MATR3: variants seen among roughly 807,000 people sequenced by gnomAD.
MATR3 encodes matrin-3.
MATR3 carries 4 observed loss-of-function variants against 85.5 expected under a neutral mutation model. That is an observed-to-expected ratio of 0.05 (90% CI 0.02 to 0.11). The LOEUF is 0.11. Among genes scored for constraint, MATR3 ranks in the 10% least tolerant of loss-of-function variants. The pLI is 1.00. For synonymous variants in MATR3, 336 were observed against 343.1 expected, an observed-to-expected ratio of 0.98 and a Z score of 0.23; for missense variants, 685 against 1,016.1, an observed-to-expected ratio of 0.67 and a Z score of 4.43.
upstream of MATR3, among the ~76,000 whole-genome samples, chr5:139,290,293 G>A (rs535681667): frequency 3.3e-5 from 5 of 151,326 alleles, no homozygotes; most frequent in Admixed American, 6.6e-5. Flanking sequence ...ACAGGCGAGC[G>A]CCACCACACC....
intron 14 of MATR3, among the ~76,000 whole-genome samples, chr5:139,326,925 G>A (rs1464425686): frequency 2.0e-5 from 3 of 152,026 alleles, no homozygotes; most frequent in Non-Finnish European, 4.4e-5. Context: ...TACTAAAAGT[G>A]GCATGACCAT....
chr5:139,286,992 G>A (rs975837401), intron 3 of MATR3, among the ~76,000 whole-genome samples: 4 of 152,120 alleles, frequency 2.6e-5, no homozygotes, highest in African/African-American at 7.2e-5. Context: ...ATTATGTACT[G>A]GCAAGTGCCT....
intron 2 of MATR3, chr5:139,278,522 C>A: frequency 2.7e-6 from 1 of 374,930 alleles, no homozygotes; most frequent in Non-Finnish European, 5.4e-6. Context: ...TTTGTAAGAT[C>A]CATGAAGGAA....
intron 1 of MATR3, among the ~76,000 whole-genome samples, chr5:139,301,990 C>T (rs769588886): frequency 3.9e-5 from 6 of 152,210 alleles, no homozygotes; most frequent in Admixed American, 1.3e-4. Context: ...AAATTGACTT[C>T]ACGTCTGTTA....
At chr5:139,318,844 C>G (rs1755393264) in intron 7 of MATR3, 64 bp from the exon 8 acceptor site, 3 of 1,519,336 alleles carry the variant, frequency 2.0e-6, no homozygotes, top group South Asian at 2.3e-5. Context: ...GAAAAAAAAT[C>G]TTTAGTTCAA....
At chr5:139,316,640 C>A (rs774014599) in intron 5 of MATR3, among the ~76,000 whole-genome samples, 1 of 152,024 alleles carries the variant, frequency 6.6e-6, no homozygotes, top group African/African-American at 2.4e-5. Flanking sequence ...CCCTGCCTCC[C>A]GGGTTAAAGC....
In MATR3 at chr5:139,307,384, A is replaced by C; in HGVS notation, c.-32A>C. 6.3e-7 allele frequency: 1 copy of C among 1,577,776 alleles called. No individual in the cohort carries two copies. Among genetic ancestry groups the C allele is most frequent in the Non-Finnish European group, 8.6e-7 (1 of 1,167,808 alleles). On this transcript the variant is annotated 5_prime_UTR_variant, in exon 2 of 15. Coordinates refer to ENST00000394805, the MANE Select transcript of MATR3 (RefSeq NM_018834.6). This position sits in a 1 kb window ranked among gnomAD's most constrained non-coding sequence, Gnocchi z 4.4. ...CGTCTTTAAAAAAATTTTTTTTTTT[A>C]ATCTATAAAATAGACAAGAGCTAGT...
rs1362094281 is a variant in MATR3 at position 139,331,431 on chromosome 5, T to G, written c.*2036T>G. ...CTTCAACTTTGTTGGATTTAGCAAG[T>G]TGAAGGAAAGAATGCTATGTTTTTA... On this transcript the variant is annotated 3_prime_UTR_variant, in exon 15 of 15. Transcript: ENST00000394805. 3 of 454,144 alleles carry G rather than the reference T, an allele frequency of 6.6e-6. No individual in the cohort carries two copies. In the Admixed American group the frequency reaches 7.0e-5, roughly 11 times the overall value. The allele number at this position is 454,144 out of a possible 1,614,324, so 28.1% of individuals were successfully genotyped here.
intron 12 of MATR3, among the ~76,000 whole-genome samples, chr5:139,324,073 C>G (rs746219510): frequency 5.3e-5 from 8 of 152,082 alleles, no homozygotes; most frequent in Non-Finnish European, 1.2e-4. Context: ...TTTGTAAATG[C>G]TAATAATTAC....
At chr5:139,323,895 A>G (rs1755707427) in intron 12 of MATR3, among the ~76,000 whole-genome samples, 1 of 152,156 alleles carries the variant, frequency 6.6e-6, no homozygotes, top group Non-Finnish European at 1.5e-5. Context: ...GTCTCAAGAA[A>G]AAAAAAAAGT....
chr5:139,310,642 A>G (rs1220086033), intron 2 of MATR3: 1 of 152,164 alleles, frequency 6.6e-6, no homozygotes, highest in Non-Finnish European at 1.5e-5. Context: ...TAAATAGTCT[A>G]CATGATCAAA....
rs746298588 is a variant in MATR3, at chr5:139,330,634, A to G, written c.*1239A>G. The G allele has an allele frequency of 7.3e-5, 33 of 454,030 alleles. No homozygotes were observed. Among genetic ancestry groups the G allele is most frequent in the Non-Finnish European group, 1.3e-4 (30 of 226,798 alleles). The allele number at this position is 454,030 out of a possible 1,614,324, so 28.1% of individuals were successfully genotyped here. On this transcript the variant is annotated 3_prime_UTR_variant, in exon 15 of 15. Transcript: ENST00000394805. ...GCCATTTGTGGTTTTTAAAAACCTT[A>G]TGAATTAAAAATGCTACAGGTGAAC... is the stretch of plus-strand genomic sequence containing the variant.
At chr5:139,316,803 C>G (rs1755269367) in intron 5 of MATR3, among the ~76,000 whole-genome samples, 1 of 152,070 alleles carries the variant, frequency 6.6e-6, no homozygotes, top group Non-Finnish European at 1.5e-5. Context: ...TGCTCAGCCT[C>G]CCAAAGTGCT....
intron 9 of MATR3, among the ~76,000 whole-genome samples, chr5:139,320,036 C>A (rs1005711955): frequency 6.8e-6 from 1 of 147,672 alleles, no homozygotes; most frequent in Non-Finnish European, 1.5e-5. Context: ...TAGCCAGTCG[C>A]AGTGGCTCAC....
intron 1 of MATR3, chr5:139,294,155 G>T: frequency 1.1e-6 from 1 of 944,694 alleles, no homozygotes; most frequent in Middle Eastern, 3.5e-4. Context: ...GGGCGGGGGC[G>T]GGACGACTAG....
chr5:139,278,949 G>A (rs1054690325), intron 2 of MATR3: 2 of 517,020 alleles, frequency 3.9e-6, no homozygotes, highest in African/African-American at 3.9e-5. Context: ...TGACTCCTGT[G>A]GAGTTGATCC....
upstream of MATR3, among the ~76,000 whole-genome samples, chr5:139,289,121 C>T (rs1753796438): frequency 6.6e-6 from 1 of 152,214 alleles, no homozygotes; most frequent in African/African-American, 2.4e-5. Flanking sequence ...TGAATCCTAC[C>T]AAATTCCTTT....
intron 13 of MATR3, among the ~76,000 whole-genome samples, 190 bp downstream of exon 13, chr5:139,325,852 ATTATT>A (rs1489276850): frequency 3.9e-5 from 6 of 152,110 alleles, no homozygotes; most frequent in Non-Finnish European, 8.8e-5. Flanking sequence ...CTGATTTTGT[ATTATT>A]TTCTGTTGTT....
At chr5:139,298,368 C>T (rs1561927734) in intron 1 of MATR3, among the ~76,000 whole-genome samples, 2 of 152,064 alleles carry the variant, frequency 1.3e-5, no homozygotes, top group Non-Finnish European at 2.9e-5. Flanking sequence ...GCCAGGAGTT[C>T]GAGACCAACC....
Sources: allele counts gnomAD v4.1 joint callset (sites outside exome capture counted in the v4.1 genomes callset), GRCh38; gene constraint gnomAD v4.1.1; non-coding constraint Gnocchi (gnomAD v3.1); transcripts MANE v1.5; gene names NCBI Gene and HGNC (gene_info 2026-07-23, HGNC 2026-07-21).